Variants in CCNYL1 observed in about 807,000 individuals in gnomAD.
The protein encoded by CCNYL1 is cyclin-Y-like protein 1.
CCNYL1 carries 16 observed loss-of-function variants against 44.2 expected under a neutral mutation model. The observed-to-expected ratio is 0.36, with a 90% confidence interval of 0.25 to 0.55. The LOEUF is 0.55. Ranked by LOEUF, CCNYL1 falls within the 20% of genes least tolerant of loss-of-function variation. The pLI is 0.85. For missense variants in CCNYL1, 348 were observed against 451.8 expected (o/e 0.77, Z 2.08); for synonymous variants, 159 against 163.2 (o/e 0.97, Z 0.20).
intron 5 of CCNYL1, 110 bp from the exon 6 acceptor site, chr2:207,740,545 G>A: frequency 2.7e-6 from 2 of 729,116 alleles, no homozygotes; most frequent in South Asian, 1.5e-5. Flanking sequence ...CTTTGGTGAA[G>A]CAAACACCAA....
intron 5 of CCNYL1, among the ~76,000 whole-genome samples, chr2:207,740,203 C>T (rs2091797550): frequency 6.6e-6 from 1 of 152,122 alleles, no homozygotes; most frequent in African/African-American, 2.4e-5. Context: ...CATCAAACTA[C>T]TTAAACAAAT....
intron 2 of CCNYL1, among the ~76,000 whole-genome samples, chr2:207,726,179 TAG>T (rs1429616094): frequency 9.2e-5 from 14 of 152,228 alleles, no homozygotes; most frequent in Non-Finnish European, 1.8e-4. Flanking sequence ...AGAGGCAGTA[TAG>T]GAAACAAAGC....
In CCNYL1 at chr2:207,720,187, C is replaced by CAAAAA. The variant is rs747214958; in HGVS notation, c.221-4595_221-4591dup. Among the ~76,000 whole-genome samples, 20 of 57,856 alleles carry CAAAAA rather than the reference C, an allele frequency of 3.5e-4. 1 individual carries two copies. The highest frequency in any genetic ancestry group is 2.9e-4 in the Non-Finnish European group (9 of 31,520). 38.0% of individuals were successfully genotyped at this position (57,856 alleles called of 152,430 possible). Reference sequence around the variant, plus strand: ...TGGGTGGTAGAGTGAGACTCCGTCTCAAAAAAAAAAAAAAAAAAAAAAGGC... The same window carrying CAAAAA: ...TGGGTGGTAGAGTGAGACTCCGTCTCAAAAAAAAAAAAAAAAAAAAAAAAAAAGGC... On this transcript the variant is annotated intron_variant, in intron 1 of 9. Coordinates refer to ENST00000295414, the MANE Select transcript of CCNYL1 (RefSeq NM_001330218.2).
Position 207,711,934 on chromosome 2 carries a change from C to G in CCNYL1, c.38C>G (p.Ala13Gly). ...CTGACCTGTTGCGTGTCCCCCAATG[C>G]CAGCCCCAAGCTGGGCCGGCGCGCG... ...NTLTCCVSPN[A>G]SPKLGRRAGS... The change falls in exon 1 of 10, where the codon GCC (alanine) becomes GGC (glycine). Residue 13 changes from alanine to glycine, a missense_variant. Physicochemically the swap from Ala to Gly is moderately conservative, Grantham distance 60 (BLOSUM62 0). This residue lies in a region of CCNYL1 where 209 missense variants were observed against 247.7 expected (regional missense o/e 0.84). Coordinates refer to ENST00000295414, the MANE Select transcript of CCNYL1 (RefSeq NM_001330218.2). 7.2e-7 allele frequency: 1 copy of G among 1,397,968 alleles called. No homozygotes were observed. The highest frequency in any genetic ancestry group is 9.3e-7 in the Non-Finnish European group (1 of 1,073,248). 86.6% of individuals were successfully genotyped at this position (1,397,968 alleles called of 1,614,324 possible).
intron 8 of CCNYL1, among the ~76,000 whole-genome samples, chr2:207,749,636 A>G (rs2091878112): frequency 6.6e-6 from 1 of 152,380 alleles, no homozygotes; most frequent in East Asian, 1.9e-4. Flanking sequence ...TGGAAAAAAT[A>G]TAAAAGGGAT....
At chr2:207,727,947 T>C (rs2091692852) in intron 3 of CCNYL1, among the ~76,000 whole-genome samples, 1 of 151,870 alleles carries the variant, frequency 6.6e-6, no homozygotes, top group African/African-American at 2.4e-5. Context: ...ACCTCCCCTA[T>C]TTCTTTCTCT....
Position 207,712,028 on chromosome 2 carries a change from G to C in CCNYL1, c.132G>C (p.Ala44=). 1 of 1,506,466 alleles carries C rather than the reference G, an allele frequency of 6.6e-7. No homozygotes were observed. Among genetic ancestry groups the C allele is most frequent in the Non-Finnish European group, 8.9e-7 (1 of 1,127,196 alleles). 93.3% of individuals were successfully genotyped at this position (1,506,466 alleles called of 1,614,324 possible). A position where few individuals can be genotyped will look rare whatever the true frequency, so the allele number is the denominator to read the frequency against. ...TGTCCGGGGACGCGGTGGCGGTAGC[G>C]CCCGCTGTGGTGGAGCCTGCCGAGT... ...EAVSGDAVAV[A]PAVVEPAELD... Residue 44 remains alanine, a synonymous_variant, in exon 1 of 10, where the codon GCG becomes GCC. Coordinates refer to ENST00000295414, the MANE Select transcript of CCNYL1 (RefSeq NM_001330218.2).
chr2:207,717,987 C>T (rs1001392613), intron 1 of CCNYL1, among the ~76,000 whole-genome samples: 1 of 151,414 alleles, frequency 6.6e-6, no homozygotes, highest in South Asian at 2.1e-4. Flanking sequence ...TCACTGCAAC[C>T]TCCGCCTCCT....
chr2:207,733,117 G>A (rs1333424759), intron 3 of CCNYL1, among the ~76,000 whole-genome samples: 1 of 152,176 alleles, frequency 6.6e-6, no homozygotes, highest in Admixed American at 6.5e-5. Flanking sequence ...AGGGATCCCA[G>A]AAGGCAGATG....
rs1242205746 is a variant in CCNYL1, at chr2:207,756,061, GT to G, written c.*2366del. 6.6e-6 allele frequency: 1 copy of G among 152,188 alleles called. No homozygotes were observed. The highest frequency in any genetic ancestry group is 1.5e-5 in the Non-Finnish European group (1 of 68,034). 9.4% of individuals were successfully genotyped at this position (152,188 alleles called of 1,614,324 possible). A position where few individuals can be genotyped will look rare whatever the true frequency, so the allele number is the denominator to read the frequency against. The stretch of plus-strand genomic sequence containing the variant: ...ACAAATATTGTTTATGGAATTCAGA[GT>G]TTGGAGATTCAAGTATTGATTGCAG... On this transcript the variant is annotated 3_prime_UTR_variant, in exon 10 of 10. Transcript: ENST00000295414.
intron 9 of CCNYL1, among the ~76,000 whole-genome samples, chr2:207,753,045 AAAT>A (rs1392770904): frequency 6.6e-6 from 1 of 152,014 alleles, no homozygotes; most frequent in Non-Finnish European, 1.5e-5. Flanking sequence ...AAAAAGAAAA[AAAT>A]AATAATATGT....
At chr2:207,724,930 T>G in intron 2 of CCNYL1, 56 bp downstream of exon 2, 1 of 1,330,306 alleles carries the variant, frequency 7.5e-7, no homozygotes, top group Non-Finnish European at 1.1e-6. Flanking sequence ...GTTTCTATTT[T>G]ATTGGATGTA....
intron 2 of CCNYL1, 37 bp downstream of exon 2, chr2:207,724,911 C>T (rs2091668732): frequency 1.4e-6 from 2 of 1,477,568 alleles, no homozygotes; most frequent in South Asian, 2.4e-5. Context: ...AAGGAAAAGA[C>T]TGAAAACTGT....
Position 207,746,672 on chromosome 2 carries a change from C to T in CCNYL1, c.640-375C>T, listed in dbSNP as rs560111587. On this transcript the variant is annotated intron_variant, in intron 7 of 9. Transcript: ENST00000295414. ...TCAAAAACAAAAGAAATTTGTCAGT[C>T]ATGAATTCTTATCAAAGCATTTCGG... 9.2e-5 allele frequency among the ~76,000 whole-genome samples: 14 copies of T among 152,316 alleles called. No homozygotes were observed. The South Asian group carries it at 2.3e-3, about 25-fold the overall frequency.
intron 8 of CCNYL1, chr2:207,750,730 G>A (rs1444353954): frequency 2.5e-5 from 11 of 433,270 alleles, no homozygotes; most frequent in South Asian, 4.6e-5. Flanking sequence ...CAAGTGCATC[G>A]GAGGCCGTAA....
intron 4 of CCNYL1, among the ~76,000 whole-genome samples, chr2:207,734,266 G>T (rs1172986679): frequency 1.3e-5 from 2 of 152,258 alleles, no homozygotes; most frequent in African/African-American, 2.4e-5. Flanking sequence ...AGTTAGTGAA[G>T]AAGCAATCCC....
At chr2:207,746,518 G>A (rs1189020303) in intron 7 of CCNYL1, among the ~76,000 whole-genome samples, 2 of 152,186 alleles carry the variant, frequency 1.3e-5, no homozygotes, top group Admixed American at 6.5e-5. Context: ...CCTGTGACTG[G>A]GTGGGAAATG....
chr2:207,738,816 T>C (rs1301535397), intron 5 of CCNYL1, among the ~76,000 whole-genome samples: 2 of 151,872 alleles, frequency 1.3e-5, no homozygotes, highest in Non-Finnish European at 2.9e-5. Flanking sequence ...GCCTCCCGGG[T>C]TCAAGCGATT....
At chr2:207,751,988 T>C (rs1451115794) in intron 9 of CCNYL1, among the ~76,000 whole-genome samples, 1 of 151,878 alleles carries the variant, frequency 6.6e-6, no homozygotes, top group African/African-American at 2.4e-5. Flanking sequence ...TGAGCCAAGA[T>C]TGCACCGCTG....
Sources: allele counts gnomAD v4.1 joint callset (sites outside exome capture counted in the v4.1 genomes callset), GRCh38; gene constraint gnomAD v4.1.1; regional missense constraint gnomAD v4.1.1; transcripts MANE v1.5; gene names NCBI Gene and HGNC (gene_info 2026-07-23, HGNC 2026-07-21).